Variants in UBR3 observed in about 807,000 individuals in gnomAD.
The protein encoded by UBR3 is E3 ubiquitin-protein ligase UBR3.
In UBR3, 85 loss-of-function variants were observed where a neutral mutation model predicts 243.2. The ratio of observed to expected loss-of-function variants is 0.35; its 90% CI spans 0.29 to 0.42. The LOEUF is 0.42. Ranked by LOEUF, UBR3 falls within the 10% of genes least tolerant of loss-of-function variation. The probability of loss-of-function intolerance (pLI) is 1.00; values close to 1 mark genes in which losing one functional copy is unlikely to be tolerated. For synonymous variants in UBR3, 748 were observed against 799.8 expected (o/e 0.94, Z 1.09); for missense variants, 1,686 against 2,300.8 (o/e 0.73, Z 5.47).
Position 169,877,564 on chromosome 2 carries a change from T to TA in UBR3, c.916dup (p.Thr306AsnfsTer4). The TA allele has an allele frequency of 1.3e-6, 2 of 1,549,790 alleles. No individual in the cohort carries two copies. The highest frequency in any genetic ancestry group is 1.2e-5 in the South Asian group (1 of 83,502). Reference sequence around the variant, plus strand: ...TTATAGCTTTAAAGAGCTCTGGACTTACATATCCTGAGGATAAGCTTGTAT... The same window carrying TA: ...TTATAGCTTTAAAGAGCTCTGGACTTAACATATCCTGAGGATAAGCTTGTAT... On this transcript the variant is annotated frameshift_variant, in exon 4 of 39. Coordinates refer to ENST00000272793, the MANE Select transcript of UBR3 (RefSeq NM_172070.4). LOFTEE classifies it high-confidence loss of function.
intron 1 of UBR3, among the ~76,000 whole-genome samples, chr2:169,858,786 T>C (rs1349742512): frequency 6.6e-6 from 1 of 151,562 alleles, no homozygotes; most frequent in African/African-American, 2.4e-5. Flanking sequence ...TTTTAGTAGA[T>C]ATAGGGTTTC....
intron 7 of UBR3, among the ~76,000 whole-genome samples, 159 bp downstream of exon 7, chr2:169,895,470 A>G (rs1161258884): frequency 6.6e-6 from 1 of 152,254 alleles, no homozygotes; most frequent in Non-Finnish European, 1.5e-5. Context: ...CACAAAAGGC[A>G]CAGTGTCTTA....
intron 26 of UBR3, among the ~76,000 whole-genome samples, chr2:170,001,073 C>A (rs768578984): frequency 2.2e-4 from 33 of 152,208 alleles, no homozygotes; most frequent in African/African-American, 7.7e-4. Context: ...AATATTTATT[C>A]TCTTTCATTA....
intron 32 of UBR3, among the ~76,000 whole-genome samples, chr2:170,053,441 T>C (rs1279264050): frequency 2.0e-5 from 3 of 152,236 alleles, no homozygotes; most frequent in Non-Finnish European, 2.9e-5. Context: ...GTGGTTCTAC[T>C]GGAAGAAGAC....
intron 19 of UBR3, among the ~76,000 whole-genome samples, chr2:169,939,492 C>T (rs1319303644): frequency 6.6e-6 from 1 of 150,404 alleles, no homozygotes; most frequent in African/African-American, 2.5e-5. Context: ...TGGTCTCGAT[C>T]TCCTGACCTC....
intron 10 of UBR3, among the ~76,000 whole-genome samples, chr2:169,906,927 C>T (rs2085032169): frequency 6.6e-6 from 1 of 151,882 alleles, no homozygotes; most frequent in East Asian, 1.9e-4. Flanking sequence ...ACCACTTAAG[C>T]GTATGTGTTT....
At chr2:169,931,426 T>G (rs1346251930) in intron 18 of UBR3, among the ~76,000 whole-genome samples, 2 of 151,890 alleles carry the variant, frequency 1.3e-5, no homozygotes, top group Non-Finnish European at 2.9e-5. Flanking sequence ...AAGGACTGTC[T>G]TCAGAATTTT....
intron 11 of UBR3, among the ~76,000 whole-genome samples, chr2:169,923,470 T>C (rs897019480): frequency 6.6e-6 from 1 of 152,160 alleles, no homozygotes; most frequent in African/African-American, 2.4e-5. Context: ...TTAAATGTGG[T>C]AATGTGAATA....
intron 24 of UBR3, among the ~76,000 whole-genome samples, chr2:169,971,271 A>T (rs1370524481): frequency 6.6e-6 from 1 of 151,000 alleles, no homozygotes; most frequent in African/African-American, 2.4e-5. Flanking sequence ...CCCATTCTGT[A>T]GGTTGCCTGT....
intron 30 of UBR3, among the ~76,000 whole-genome samples, chr2:170,016,274 A>C (rs1010673162): frequency 6.6e-6 from 1 of 151,920 alleles, no homozygotes; most frequent in Non-Finnish European, 1.5e-5. Flanking sequence ...AAGCAAACTT[A>C]TGTGAAATTT....
intron 1 of UBR3, among the ~76,000 whole-genome samples, chr2:169,848,784 C>T (rs1485575378): frequency 6.7e-6 from 1 of 150,062 alleles, no homozygotes; most frequent in African/African-American, 2.5e-5. Flanking sequence ...CTCACTGCAA[C>T]CTCTGCCTCC....
At chr2:170,038,214 T>C (rs1352953364) in intron 31 of UBR3, among the ~76,000 whole-genome samples, 1 of 152,204 alleles carries the variant, frequency 6.6e-6, no homozygotes, top group Non-Finnish European at 1.5e-5. Flanking sequence ...TTTTTGATTT[T>C]TGTGCAATAA....
intron 18 of UBR3, among the ~76,000 whole-genome samples, chr2:169,931,139 C>A (rs1208446648): frequency 6.6e-6 from 1 of 151,992 alleles, no homozygotes; most frequent in African/African-American, 2.4e-5. Context: ...ATCACGAGGT[C>A]AGGAGATTGA....
At chr2:170,021,486 C>T (rs956016574) in intron 30 of UBR3, among the ~76,000 whole-genome samples, 2 of 152,098 alleles carry the variant, frequency 1.3e-5, no homozygotes, top group African/African-American at 4.8e-5. Flanking sequence ...TCTGGGATCT[C>T]TTTTATAAGA....
intron 30 of UBR3, among the ~76,000 whole-genome samples, chr2:170,023,197 T>C (rs2090437832): frequency 6.6e-6 from 1 of 151,878 alleles, no homozygotes; most frequent in Non-Finnish European, 1.5e-5. Context: ...GGCCTCAAAC[T>C]CCTGGGCTCA....
chr2:170,080,046 A>G, intron 37 of UBR3, 23 bp downstream of exon 37: 1 of 1,588,220 alleles, frequency 6.3e-7, no homozygotes, highest in Non-Finnish European at 8.6e-7. Context: ...AGATAATACA[A>G]AATTTATGAA....
intron 1 of UBR3, among the ~76,000 whole-genome samples, chr2:169,857,294 CA>C (rs1249165532): frequency 1.3e-5 from 2 of 151,968 alleles, no homozygotes; most frequent in Admixed American, 6.6e-5. Flanking sequence ...AGGCTTGTCT[CA>C]AACTGCTGAC....
At chr2:169,911,977 T>C (rs1357702902) in intron 10 of UBR3, among the ~76,000 whole-genome samples, 1 of 152,082 alleles carries the variant, frequency 6.6e-6, no homozygotes, top group Non-Finnish European at 1.5e-5. Context: ...GTGATTTCGG[T>C]CTGGATTGTG....
chr2:170,032,580 C>CTTTTT (rs6147023), intron 31 of UBR3, among the ~76,000 whole-genome samples: 3 of 20,478 alleles, frequency 1.5e-4, no homozygotes, highest in African/African-American at 4.2e-4. Flanking sequence ...ATGACATTCA[C>CTTTTT]TTTTTTTTTT....
Sources: gnomAD v4.1 joint callset for allele counts (sites outside exome capture counted in the v4.1 genomes callset) on GRCh38, gnomAD v4.1.1 for gene constraint, MANE v1.5 for transcripts, NCBI Gene and HGNC (gene_info 2026-07-23, HGNC 2026-07-21) for gene names.